Variants in TSNARE1 observed in about 807,000 individuals in gnomAD.
The protein encoded by TSNARE1 is t-SNARE domain containing 1, also known as t-SNARE domain-containing protein 1.
In TSNARE1, 49 loss-of-function variants were observed where a neutral mutation model predicts 62.0. The observed-to-expected ratio is 0.79, with a 90% CI of 0.63 to 1.00. The LOEUF (loss-of-function observed/expected upper bound fraction) is 1.00, where lower values mean the gene tolerates loss of function less well. Ranked by LOEUF, TSNARE1 falls within the 50% of genes least tolerant of loss-of-function variation. The pLI is 0.00. For synonymous variants in TSNARE1, 328 were observed against 294.4 expected, an observed-to-expected ratio of 1.11 and a Z score of -1.17; for missense variants, 755 against 700.1, an observed-to-expected ratio of 1.08 and a Z score of -0.88.
intron 12 of TSNARE1, among the ~76,000 whole-genome samples, chr8:142,264,623 C>T (rs1198664878): frequency 3.3e-5 from 5 of 152,178 alleles, no homozygotes; most frequent in Non-Finnish European, 5.9e-5. Context: ...TTCATCCTCC[C>T]GATGAGCTGA....
At position 142,300,657 on chromosome 8, in the gene TSNARE1, G is replaced by C. The variant is rs1407908775; in HGVS notation, c.1132-13C>G. On this transcript the variant is annotated splice_polypyrimidine_tract_variant and intron_variant, in intron 9 of 13. Coordinates refer to ENST00000524325, the MANE Select transcript of TSNARE1 (RefSeq NM_145003.5). ...GGGCCTGGGGACTCTGCTGATGACA[G>C]ACAGATCTTGTTAGCACTGACCCCT... 2 of 1,609,966 alleles carry C rather than the reference G, an allele frequency of 1.2e-6. No homozygotes were observed. The highest frequency in any genetic ancestry group is 1.7e-6 in the Non-Finnish European group (2 of 1,177,812).
intron 7 of TSNARE1, among the ~76,000 whole-genome samples, chr8:142,315,621 CG>C (rs1828411650): frequency 6.6e-6 from 1 of 151,706 alleles, no homozygotes; most frequent in African/African-American, 2.4e-5. Flanking sequence ...AGCACGGAGC[CG>C]GGGTGGGGCT....
intron 12 of TSNARE1, among the ~76,000 whole-genome samples, chr8:142,268,902 G>A (rs771810329): frequency 9.9e-5 from 15 of 152,266 alleles, no homozygotes; most frequent in South Asian, 2.1e-4. Flanking sequence ...TGTCGGTGAC[G>A]TAGGGGCCAT....
chr8:142,298,787 A>G (rs150907439), intron 10 of TSNARE1, among the ~76,000 whole-genome samples: 50 of 152,282 alleles, frequency 3.3e-4, no homozygotes, highest in Middle Eastern at 3.4e-3. Flanking sequence ...CCTTCCCAGG[A>G]GGATCTCAAT....
intron 2 of TSNARE1, among the ~76,000 whole-genome samples, chr8:142,349,454 G>T (rs1833809467): frequency 6.6e-6 from 1 of 152,224 alleles, no homozygotes; most frequent in South Asian, 2.1e-4. Flanking sequence ...TATTCAATCT[G>T]GGAGTCAGAA....
chr8:142,225,809 C>T (rs72687321), intron 13 of TSNARE1, among the ~76,000 whole-genome samples: 3,231 of 152,308 alleles, frequency 0.021, 54 homozygotes, highest in Non-Finnish European at 0.031. Context: ...GTACCGTATG[C>T]GGGCGGTGCT....
rs1370907845 is a variant in TSNARE1, at chr8:142,274,004, G to A, written c.1446+777C>T. 6.1e-6 allele frequency: 6 copies of A among 985,160 alleles called. No individual in the cohort carries two copies. In the East Asian group the frequency reaches 4.5e-4, roughly 74 times the overall value. The allele number at this position is 985,160 out of a possible 1,614,324, so 61.0% of individuals were successfully genotyped here. A position where few individuals can be genotyped will look rare whatever the true frequency, so the allele number is the denominator to read the frequency against. ...TACTGCCCCTGCTCCGCCCTCAAGA[G>A]TGTGTGCTCTCCTGGCCCCAGCTGG... On this transcript the variant is annotated intron_variant, in intron 12 of 13. Transcript: ENST00000524325.
chr8:142,389,576 C>G (rs373100079), intron 1 of TSNARE1, among the ~76,000 whole-genome samples: 1 of 152,124 alleles, frequency 6.6e-6, no homozygotes, highest in Non-Finnish European at 1.5e-5. Context: ...AATGTCCAGC[C>G]CCAAAGGCCT....
intron 11 of TSNARE1, among the ~76,000 whole-genome samples, chr8:142,279,529 G>A (rs1019194575): frequency 3.3e-5 from 5 of 152,232 alleles, no homozygotes; most frequent in Non-Finnish European, 5.9e-5. Flanking sequence ...CATCCCATCT[G>A]GACACCCGGT....
rs1385179635 is a variant in TSNARE1, at chr8:142,319,348, C to G, written c.894-714G>C. 1.3e-5 allele frequency among the ~76,000 whole-genome samples: 2 copies of G among 151,874 alleles called. No individual in the cohort carries two copies. Among genetic ancestry groups the G allele is most frequent in the African/African-American group, 4.8e-5 (2 of 41,376 alleles). On this transcript the variant is annotated intron_variant, in intron 6 of 13. Transcript: ENST00000524325. The surrounding 1 kb of genome is among the most constrained non-coding windows in gnomAD (Gnocchi z 4.9). ...TGAGGGGTGCACACCTCTGAGGGGCCCCGGGTGAGACGGTTCTCACACCCA... is the reference window on the plus strand; with the variant it reads ...TGAGGGGTGCACACCTCTGAGGGGCGCCGGGTGAGACGGTTCTCACACCCA...
intron 13 of TSNARE1, among the ~76,000 whole-genome samples, chr8:142,221,718 CACTCATT>C (rs750546457): frequency 0.57 from 82,930 of 145,780 alleles, 38,954 homozygotes; most frequent in Admixed American, 0.61. Flanking sequence ...TCCACTCACT[CACTCATT>C]CACTCACTCA....
At chr8:142,275,121 G>A in intron 11 of TSNARE1, 3 of 985,426 alleles carry the variant, frequency 3.0e-6, no homozygotes, top group Non-Finnish European at 3.6e-6. Flanking sequence ...AGGTGGGGCA[G>A]GAAGAGTCCA....
chr8:142,400,772 G>A, intron 1 of TSNARE1, among the ~76,000 whole-genome samples: 1 of 152,202 alleles, frequency 6.6e-6, no homozygotes, highest in East Asian at 1.9e-4. Context: ...TGTCTGTCTG[G>A]GCTGAACAAA....
Position 142,318,582 on chromosome 8 carries a change from C to A in TSNARE1, c.946G>T (p.Val316Leu). Reference protein sequence around the residue: ...NKTIAASASSVKQMAELLRSS... With the variant: ...NKTIAASASSLKQMAELLRSS... ...CGCAGCAGCTCGGCCATCTGCTTCACGGAGCTGGCGCTGGCTGCAATGGTC... is the reference window on the plus strand; with the variant it reads ...CGCAGCAGCTCGGCCATCTGCTTCAAGGAGCTGGCGCTGGCTGCAATGGTC... Residue 316 changes from valine (V) to leucine (L), a missense_variant, in exon 7 of 14, where the codon GTG (valine) becomes TTG (leucine). Physicochemically the swap from Val to Leu is conservative, Grantham distance 32. Coordinates refer to ENST00000524325, the MANE Select transcript of TSNARE1 (RefSeq NM_145003.5). 1 of 1,613,670 alleles carries A rather than the reference C, an allele frequency of 6.2e-7. No individual in the cohort carries two copies. The highest frequency in any genetic ancestry group is 8.5e-7 in the Non-Finnish European group (1 of 1,179,984).
intron 7 of TSNARE1, among the ~76,000 whole-genome samples, chr8:142,316,706 ACAGATTGCAT>A (rs1393074117): frequency 6.6e-6 from 1 of 151,708 alleles, no homozygotes; most frequent in Non-Finnish European, 1.5e-5. Context: ...TCTGGTCTCC[ACAGATTGCAT>A]TTTCTGGATG....
At chr8:142,371,667 C>T (rs184243497) in intron 1 of TSNARE1, among the ~76,000 whole-genome samples, 2 of 152,206 alleles carry the variant, frequency 1.3e-5, no homozygotes, top group East Asian at 1.9e-4. Context: ...GTTTCTGTAT[C>T]GAGGTGGTGG....
intron 13 of TSNARE1, among the ~76,000 whole-genome samples, chr8:142,217,244 AAAAATAAAATAATAAAAT>A (rs1437322758): frequency 2.6e-5 from 4 of 151,376 alleles, no homozygotes; most frequent in South Asian, 4.2e-4. Flanking sequence ...ACTCTGTCTC[AAAAATAAAATAATAAAAT>A]AAAATAAAAT....
At chr8:142,219,120 TG>T (rs1279155155) in intron 13 of TSNARE1, among the ~76,000 whole-genome samples, 2 of 152,176 alleles carry the variant, frequency 1.3e-5, no homozygotes, top group African/African-American at 2.4e-5. Flanking sequence ...TTCTGTTCCC[TG>T]AGTGTCACCT....
chr8:142,266,501 A>C (rs1166243382), intron 12 of TSNARE1, among the ~76,000 whole-genome samples: 2 of 152,216 alleles, frequency 1.3e-5, no homozygotes, highest in African/African-American at 4.8e-5. Flanking sequence ...CAGTTGCAGA[A>C]TTCTAAGTTG....
Sources: gnomAD v4.1 joint callset for allele counts (sites outside exome capture counted in the v4.1 genomes callset) on GRCh38, gnomAD v4.1.1 for gene constraint, Gnocchi (gnomAD v3.1) non-coding constraint, MANE v1.5 for transcripts, NCBI Gene and HGNC (gene_info 2026-07-23, HGNC 2026-07-21) for gene names.